GRK5: variants seen among roughly 807,000 people sequenced by gnomAD.
The protein encoded by GRK5 is G protein-coupled receptor kinase 5.
In GRK5, 40 loss-of-function variants were observed where a neutral mutation model predicts 78.4. That is an observed-to-expected ratio of 0.51 (90% CI 0.40 to 0.66). The LOEUF is 0.66. Ranked by LOEUF, GRK5 falls within the 30% of genes least tolerant of loss-of-function variation. The pLI, the probability that GRK5 is intolerant of heterozygous loss-of-function variation, is 0.00. For synonymous variants in GRK5, 289 were observed against 296.8 expected, an observed-to-expected ratio of 0.97 and a Z score of 0.27; for missense variants, 598 against 759.9, an observed-to-expected ratio of 0.79 and a Z score of 2.50.
In GRK5 at chr10:119,336,806, T is replaced by C. The variant is rs1442765343; in HGVS notation, c.148+10195T>C. On this transcript the variant is annotated intron_variant, in intron 2 of 15. Transcript: ENST00000392870. This position sits in a 1 kb window ranked among gnomAD's most constrained non-coding sequence, Gnocchi z 4.5. ...TGCTGTGATAAGGCACAGCATCTGCTTGTCCTTGGAGGGCGAAATAAATTT... is the reference window on the plus strand; with the variant it reads ...TGCTGTGATAAGGCACAGCATCTGCCTGTCCTTGGAGGGCGAAATAAATTT... 1.3e-5 allele frequency among the ~76,000 whole-genome samples: 2 copies of C among 152,184 alleles called. No homozygotes were observed. Among genetic ancestry groups the C allele is most frequent in the African/African-American group, 4.8e-5 (2 of 41,452 alleles).
rs1349486259 is a variant in GRK5 at position 119,455,503 on chromosome 10, A to T, written c.*436A>T. Reference sequence around the variant, plus strand: ...TTTTCTGTGCAGCCACTGTTAAGCCATGTGTTCCAAGGCATTTTAGCGGGG... The same window carrying T: ...TTTTCTGTGCAGCCACTGTTAAGCCTTGTGTTCCAAGGCATTTTAGCGGGG... On this transcript the variant is annotated 3_prime_UTR_variant, in exon 16 of 16. Coordinates refer to ENST00000392870, the MANE Select transcript of GRK5 (RefSeq NM_005308.3). The T allele has an allele frequency of 3.4e-5, 11 of 327,152 alleles. No individual in the cohort carries two copies. The Admixed American group carries it at 4.4e-4, about 13-fold the overall frequency. The allele number at this position is 327,152 out of a possible 1,614,324, so 20.3% of individuals were successfully genotyped here.
intron 10 of GRK5, among the ~76,000 whole-genome samples, chr10:119,440,654 G>T (rs551511288): frequency 4.0e-5 from 6 of 151,770 alleles, no homozygotes; most frequent in African/African-American, 1.5e-4. Context: ...AAGTTCAAGT[G>T]ATTCTGCTGC....
At chr10:119,284,859 C>T (rs892817487) in intron 1 of GRK5, among the ~76,000 whole-genome samples, 1 of 152,156 alleles carries the variant, frequency 6.6e-6, no homozygotes, top group African/African-American at 2.4e-5. Flanking sequence ...TGGGGCCTCT[C>T]GTGGAAATGG....
intron 4 of GRK5, among the ~76,000 whole-genome samples, chr10:119,414,308 C>G (rs1852403019): frequency 6.6e-6 from 1 of 152,258 alleles, no homozygotes; most frequent in Non-Finnish European, 1.5e-5. Flanking sequence ...GGAACCATGG[C>G]TAATGAGCGC....
At chr10:119,363,326 G>T (rs1589765467) in intron 2 of GRK5, among the ~76,000 whole-genome samples, 1 of 151,112 alleles carries the variant, frequency 6.6e-6, no homozygotes, top group Non-Finnish European at 1.5e-5. Context: ...GACGAACCTT[G>T]CACCAGGAGC....
At chr10:119,448,096 G>A (rs764501921) in intron 12 of GRK5, 27 bp from the exon 13 acceptor site, 57 of 1,518,846 alleles carry the variant, frequency 3.8e-5, no homozygotes, top group Admixed American at 4.8e-5. Context: ...CCCAGGGGAC[G>A]TGGCTTCATG....
Position 119,431,502 on chromosome 10 carries a change from T to C in GRK5, c.713T>C (p.Leu238Pro), listed in dbSNP as rs140965782. The C allele has an allele frequency of 6.2e-7, 1 of 1,613,632 alleles. No individual in the cohort carries two copies. The highest frequency in any genetic ancestry group is 1.3e-5 in the African/African-American group (1 of 74,890). Reference sequence around the variant, plus strand: ...ATGGCCCTCAATGAGAAGCAGATCCTCGAGAAGGTCAACAGTCAGTTTGTG... The same window carrying C: ...ATGGCCCTCAATGAGAAGCAGATCCCCGAGAAGGTCAACAGTCAGTTTGTG... ...ESMALNEKQI[L>P]EKVNSQFVVN... is the part of the protein sequence containing the mutation. The change falls in exon 8 of 16, where the codon CTC (leucine) becomes CCC (proline). Residue 238 changes from leucine to proline, a missense_variant. By Grantham distance (98) the Leu-to-Pro change is moderately conservative. Transcript: ENST00000392870. This position sits in a 1 kb window ranked among gnomAD's most constrained non-coding sequence, Gnocchi z 4.8.
intron 1 of GRK5, among the ~76,000 whole-genome samples, chr10:119,227,790 A>T (rs1171479225): frequency 3.9e-5 from 6 of 152,230 alleles, no homozygotes; most frequent in Non-Finnish European, 8.8e-5. Flanking sequence ...AAACATTGAT[A>T]AAGGCTTATT....
At chr10:119,250,052 C>T (rs772216987) in intron 1 of GRK5, among the ~76,000 whole-genome samples, 7 of 152,158 alleles carry the variant, frequency 4.6e-5, no homozygotes, top group Non-Finnish European at 1.0e-4. Flanking sequence ...ACACTGAATC[C>T]TCAAAGAGCC....
chr10:119,235,474 T>A (rs1230179498), intron 1 of GRK5, among the ~76,000 whole-genome samples: 1 of 152,160 alleles, frequency 6.6e-6, no homozygotes, highest in Non-Finnish European at 1.5e-5. Flanking sequence ...AATGCACTGC[T>A]GTTTGTGGGC....
intron 3 of GRK5, among the ~76,000 whole-genome samples, chr10:119,381,935 A>G (rs1851716858): frequency 6.6e-6 from 1 of 152,140 alleles, no homozygotes. Flanking sequence ...CAAATTGCCC[A>G]CTGGACATCT....
intron 1 of GRK5, among the ~76,000 whole-genome samples, chr10:119,309,028 C>G (rs963940426): frequency 6.6e-6 from 1 of 152,234 alleles, no homozygotes; most frequent in Non-Finnish European, 1.5e-5. Flanking sequence ...AGGGCTGGTG[C>G]CCAGGGCCCG....
chr10:119,231,460 C>CT (rs1490696276), intron 1 of GRK5, among the ~76,000 whole-genome samples: 3 of 152,034 alleles, frequency 2.0e-5, no homozygotes, highest in African/African-American at 7.2e-5. Context: ...AATCCTAGCA[C>CT]TTTGGGAGGC....
At position 119,388,060 on chromosome 10, in the gene GRK5, C is replaced by A. The variant is rs76561139; in HGVS notation, c.261+7133C>A. On this transcript the variant is annotated intron_variant, in intron 3 of 15. Coordinates refer to ENST00000392870, the MANE Select transcript of GRK5 (RefSeq NM_005308.3). ...CAAACTCTTAGGCCCAAAGCGAATC[C>A]TCCCACCTCAGCCTCCTGAATAGCT... Among the ~76,000 whole-genome samples the A allele has an allele frequency of 3.2e-3, 492 of 152,106 alleles. 19 individuals are homozygous for A. The East Asian group carries it at 0.087, about 27-fold the overall frequency.
At chr10:119,328,256 G>A (rs1235514325) in intron 2 of GRK5, among the ~76,000 whole-genome samples, 1 of 152,200 alleles carries the variant, frequency 6.6e-6, no homozygotes, top group Non-Finnish European at 1.5e-5. Flanking sequence ...AGAGAAGAGG[G>A]GCTGTGTTCC....
chr10:119,371,501 G>A (rs940610119), intron 2 of GRK5, among the ~76,000 whole-genome samples: 5 of 152,238 alleles, frequency 3.3e-5, no homozygotes, highest in African/African-American at 1.2e-4. Flanking sequence ...GTCCGCTGGG[G>A]GTATGAGTCT....
Position 119,430,491 on chromosome 10 carries a change from T to C in GRK5, c.597+53T>C, listed in dbSNP as rs557226158. On this transcript the variant is annotated intron_variant, in intron 7 of 15. Coordinates refer to ENST00000392870, the MANE Select transcript of GRK5 (RefSeq NM_005308.3). The surrounding 1 kb of genome is among the most constrained non-coding windows in gnomAD (Gnocchi z 4.5). ...AAAGTTCTTACATTCAAGTCACCTTTCCTGTCCCTTCTAAATCAACCTAAA... is the reference window on the plus strand; with the variant it reads ...AAAGTTCTTACATTCAAGTCACCTTCCCTGTCCCTTCTAAATCAACCTAAA... 2.6e-6 allele frequency: 4 copies of C among 1,528,206 alleles called. No homozygotes were observed. Among genetic ancestry groups the C allele is most frequent in the East Asian group, 2.3e-5 (1 of 44,070 alleles). The allele number at this position is 1,528,206 out of a possible 1,614,324, so 94.7% of individuals were successfully genotyped here. A position where few individuals can be genotyped will look rare whatever the true frequency, so the allele number is the denominator to read the frequency against.
intron 1 of GRK5, among the ~76,000 whole-genome samples, chr10:119,246,857 A>G (rs78183597): frequency 0.021 from 3,259 of 152,250 alleles, 61 homozygotes; most frequent in Admixed American, 0.055. Context: ...TGGGAATGTC[A>G]CCTGAGAAGG....
At chr10:119,237,811 C>T (rs956401736) in intron 1 of GRK5, among the ~76,000 whole-genome samples, 5 of 152,112 alleles carry the variant, frequency 3.3e-5, no homozygotes, top group South Asian at 2.1e-4. Flanking sequence ...GAAATGGAAG[C>T]AAGTGCGCTG....
Sources: allele counts gnomAD v4.1 joint callset (sites outside exome capture counted in the v4.1 genomes callset), GRCh38; gene constraint gnomAD v4.1.1; non-coding constraint Gnocchi (gnomAD v3.1); transcripts MANE v1.5; gene names NCBI Gene and HGNC (gene_info 2026-07-23, HGNC 2026-07-21).